The following SCMH1 variants were observed in gnomAD, a reference collection of about 807,000 sequenced individuals.
SCMH1 encodes the protein polycomb protein SCMH1.
In SCMH1, 37 loss-of-function variants were observed where a neutral mutation model predicts 70.8. That is an observed-to-expected ratio of 0.52 (90% CI 0.40 to 0.69). SCMH1 has a LOEUF of 0.69. Among genes scored for constraint, SCMH1 ranks in the 30% least tolerant of loss-of-function variants. The probability of loss-of-function intolerance (pLI) is 0.00; values close to 1 mark genes in which losing one functional copy is unlikely to be tolerated. For synonymous variants in SCMH1, 292 were observed against 307.4 expected, an observed-to-expected ratio of 0.95 and a Z score of 0.52; for missense variants, 607 against 827.3, an observed-to-expected ratio of 0.73 and a Z score of 3.27.
chr1:41,166,981 G>C (rs1202584523), intron 2 of SCMH1, among the ~76,000 whole-genome samples: 1 of 152,058 alleles, frequency 6.6e-6, no homozygotes, highest in Non-Finnish European at 1.5e-5. Context: ...CTATGAGCTT[G>C]TCATATATGG....
intron 6 of SCMH1, among the ~76,000 whole-genome samples, chr1:41,138,290 G>A (rs1643679845): frequency 6.6e-6 from 1 of 152,238 alleles, no homozygotes; most frequent in East Asian, 1.9e-4. Flanking sequence ...TGAATCAAAA[G>A]TAGGTCCTAT....
At chr1:41,201,187 A>G (rs551951818) in intron 1 of SCMH1, among the ~76,000 whole-genome samples, 1 of 152,294 alleles carries the variant, frequency 6.6e-6, no homozygotes, top group East Asian at 1.9e-4. Flanking sequence ...AATCCTCTCT[A>G]AAGTCTCAGA....
At chr1:41,100,398 C>A (rs1460639304) in intron 8 of SCMH1, among the ~76,000 whole-genome samples, 1 of 152,032 alleles carries the variant, frequency 6.6e-6, no homozygotes, top group Non-Finnish European at 1.5e-5. Flanking sequence ...AGAAAATCCC[C>A]TCATCTAGCA....
At chr1:41,139,825 ACT>A (rs537888478) in intron 6 of SCMH1, among the ~76,000 whole-genome samples, 47 of 152,270 alleles carry the variant, frequency 3.1e-4, no homozygotes, top group African/African-American at 1.1e-3. Context: ...CTCTGAATAT[ACT>A]CTGTTTTATA....
chr1:41,070,043 C>A (rs1011444662), intron 10 of SCMH1, among the ~76,000 whole-genome samples: 4 of 152,100 alleles, frequency 2.6e-5, no homozygotes, highest in African/African-American at 9.7e-5. Context: ...TTTATAGTTA[C>A]CCCCTTGGAA....
intron 13 of SCMH1, among the ~76,000 whole-genome samples, chr1:41,030,474 G>A (rs1367075093): frequency 6.6e-6 from 1 of 152,082 alleles, no homozygotes; most frequent in Non-Finnish European, 1.5e-5. Context: ...AATAAGTCAA[G>A]CATTTATCCT....
exon 5 of SCMH1, chr1:41,151,674 G>C: frequency 6.2e-7 from 1 of 1,610,004 alleles, no homozygotes; most frequent in South Asian, 1.1e-5. Flanking sequence ...ATTTGTCCCA[G>C]GTAAAATGAC....
intron 10 of SCMH1, among the ~76,000 whole-genome samples, chr1:41,064,630 T>C (rs1405693280): frequency 1.3e-5 from 2 of 152,098 alleles, no homozygotes; most frequent in Non-Finnish European, 2.9e-5. Flanking sequence ...AAAAACACCA[T>C]ACAGGCCAGG....
chr1:41,183,097 A>ACAAATCAGAAACCTGTAATCCCTCTTGT (rs1649272307), intron 2 of SCMH1, among the ~76,000 whole-genome samples: 1 of 152,196 alleles, frequency 6.6e-6, no homozygotes, highest in African/African-American at 2.4e-5. Context: ...AGTTAACATA[A>ACAAATCAGAAACCTGTAATCCCTCTTGT]CAAATCAGAA....
intron 8 of SCMH1, among the ~76,000 whole-genome samples, chr1:41,077,226 G>A (rs933459646): frequency 6.6e-6 from 1 of 152,150 alleles, no homozygotes; most frequent in African/African-American, 2.4e-5. Flanking sequence ...AGCTGATACT[G>A]TTTTCTTTCC....
chr1:41,199,450 G>T (rs1252094386), intron 1 of SCMH1, among the ~76,000 whole-genome samples: 1 of 152,142 alleles, frequency 6.6e-6, no homozygotes, highest in Admixed American at 6.5e-5. Flanking sequence ...TTTTGTGAGA[G>T]TCATCCACTG....
chr1:41,051,756 T>A (rs576675992), intron 10 of SCMH1, among the ~76,000 whole-genome samples: 1 of 152,310 alleles, frequency 6.6e-6, no homozygotes, highest in East Asian at 1.9e-4. Context: ...CCAAGTGTTA[T>A]TAAAAGAGTC....
chr1:41,213,479 C>A (rs988224283), intron 1 of SCMH1, among the ~76,000 whole-genome samples: 1 of 152,130 alleles, frequency 6.6e-6, no homozygotes. Context: ...GGACATAAAA[C>A]CTTCCCAGGT....
At chr1:41,084,587 G>T (rs1315058063) in intron 8 of SCMH1, among the ~76,000 whole-genome samples, 1 of 151,976 alleles carries the variant, frequency 6.6e-6, no homozygotes, top group Non-Finnish European at 1.5e-5. Context: ...CAGGGATCTA[G>T]AACTAGAAAT....
At chr1:41,107,944 A>G (rs1668402420) in intron 8 of SCMH1, among the ~76,000 whole-genome samples, 1 of 152,252 alleles carries the variant, frequency 6.6e-6, no homozygotes, top group African/African-American at 2.4e-5. Context: ...CCAAATAAAA[A>G]AAGGAAAAGA....
chr1:41,198,730 GA>G (rs1399851287), intron 1 of SCMH1, among the ~76,000 whole-genome samples: 1 of 152,150 alleles, frequency 6.6e-6, no homozygotes, highest in East Asian at 1.9e-4. Context: ...AAAAGTGCAA[GA>G]AATAACAGAA....
At chr1:41,083,287 C>A (rs1378518399) in intron 8 of SCMH1, among the ~76,000 whole-genome samples, 3 of 152,178 alleles carry the variant, frequency 2.0e-5, no homozygotes, top group Non-Finnish European at 2.9e-5. Context: ...TCTCAGGTTA[C>A]AAAATCAATG....
In SCMH1 at chr1:41,113,266, C is replaced by A. The variant is rs372784985; in HGVS notation, c.745+17G>T. On this transcript the variant is annotated intron_variant, in intron 8 of 14. Coordinates refer to ENST00000337495, the Ensembl canonical transcript of SCMH1. The surrounding 1 kb of genome is among the most constrained non-coding windows in gnomAD (Gnocchi z 4.3). ...CATCTGGGTCCTGATTTCAAGAGCACGTAGATGGGCCTTTACCTTTGGTGC... is the reference window on the plus strand; with the variant it reads ...CATCTGGGTCCTGATTTCAAGAGCAAGTAGATGGGCCTTTACCTTTGGTGC... 1.9e-6 allele frequency: 3 copies of A among 1,609,534 alleles called. No homozygotes were observed.
chr1:41,100,164 T>C lies in SCMH1; in HGVS notation c.745+13119A>G, dbSNP rs557278602. Reference sequence around the variant, plus strand: ...TATTGATTTGAGTGAAGAAAAGTTATCACAAGATAAAAAAGAGCAAGTATC... The same window carrying C: ...TATTGATTTGAGTGAAGAAAAGTTACCACAAGATAAAAAAGAGCAAGTATC... On this transcript the variant is annotated intron_variant, in intron 8 of 14. Transcript: ENST00000337495. Among the ~76,000 whole-genome samples the C allele has an allele frequency of 4.6e-5, 7 of 152,228 alleles. No homozygotes were observed. The East Asian group carries it at 1.3e-3, about 29-fold the overall frequency.
Sources: gnomAD v4.1 joint callset for allele counts (sites outside exome capture counted in the v4.1 genomes callset) on GRCh38, gnomAD v4.1.1 for gene constraint, Gnocchi (gnomAD v3.1) non-coding constraint, MANE v1.5 for transcripts, NCBI Gene and HGNC (gene_info 2026-07-23, HGNC 2026-07-21) for gene names.